Variants in CSMD1 observed in about 807,000 individuals in gnomAD.
CSMD1 encodes the protein CUB and sushi domain-containing protein 1.
A neutral mutation model predicts 417.5 loss-of-function variants in CSMD1; 213 were observed. The observed-to-expected ratio is 0.51, with a 90% CI of 0.46 to 0.57. CSMD1 has a LOEUF of 0.57. Among genes scored for constraint, CSMD1 ranks in the 20% least tolerant of loss-of-function variants. The pLI, the probability that CSMD1 is intolerant of heterozygous loss-of-function variation, is 0.00. For missense variants in CSMD1, 6,923 were observed against 4,529.7 expected (o/e 1.53, Z -15.17); for synonymous variants, 2,862 against 1,736.8 (o/e 1.65, Z -16.11).
At chr8:3,321,210 C>T (rs1331224645) in intron 23 of CSMD1, among the ~76,000 whole-genome samples, 3 of 152,084 alleles carry the variant, frequency 2.0e-5, no homozygotes, top group Admixed American at 2.0e-4. Context: ...CCTCACTGCA[C>T]ACAAGATTGC....
At chr8:2,991,465 A>G (rs1806380592) in intron 54 of CSMD1, among the ~76,000 whole-genome samples, 1 of 152,230 alleles carries the variant, frequency 6.6e-6, no homozygotes, top group Admixed American at 6.5e-5. Context: ...TCATTTTCTA[A>G]AAGGCCAGAT....
At chr8:3,874,888 A>G (rs372214732) in intron 5 of CSMD1, among the ~76,000 whole-genome samples, 1 of 152,262 alleles carries the variant, frequency 6.6e-6, no homozygotes, top group East Asian at 1.9e-4. Flanking sequence ...ATCCACTGCG[A>G]TGCTGCGCAC....
chr8:3,635,277 C>A (rs1419605557), intron 7 of CSMD1, among the ~76,000 whole-genome samples: 1 of 151,932 alleles, frequency 6.6e-6, no homozygotes, highest in Non-Finnish European at 1.5e-5. Context: ...TGTTCAAGAC[C>A]AGCCCGGCCA....
At chr8:3,655,359 T>C (rs1360498486) in intron 7 of CSMD1, among the ~76,000 whole-genome samples, 1 of 152,238 alleles carries the variant, frequency 6.6e-6, no homozygotes, top group African/African-American at 2.4e-5. Context: ...CTACAGCGAA[T>C]TTGGCAGTGA....
chr8:3,100,148 C>A (rs1411873690), intron 46 of CSMD1, among the ~76,000 whole-genome samples: 1 of 152,104 alleles, frequency 6.6e-6, no homozygotes, highest in Non-Finnish European at 1.5e-5. Context: ...ACCTCCCAGG[C>A]TCAAACAATC....
intron 1 of CSMD1, among the ~76,000 whole-genome samples, chr8:4,875,393 C>T (rs1008455264): frequency 3.3e-5 from 5 of 152,020 alleles, no homozygotes; most frequent in African/African-American, 1.2e-4. Context: ...GCCTTTATTT[C>T]TCCAGAATAA....
intron 1 of CSMD1, among the ~76,000 whole-genome samples, chr8:4,809,293 T>C (rs562795103): frequency 2.0e-5 from 3 of 152,328 alleles, no homozygotes; most frequent in East Asian, 1.9e-4. Flanking sequence ...AAATGTGTTA[T>C]ACATATTAAT....
chr8:4,378,863 GAGTC>G (rs1802919333), intron 3 of CSMD1, among the ~76,000 whole-genome samples: 1 of 152,178 alleles, frequency 6.6e-6, no homozygotes, highest in Admixed American at 6.6e-5. Flanking sequence ...ATGAAACAGA[GAGTC>G]AGCCCTTTCT....
In CSMD1 at chr8:3,223,872, C is replaced by A; in HGVS notation, c.4346-5G>T. ...TCAGATTCCCTCCACAAGCAGCTGTCACAGAACAAAAGTTACAGAGAAAAA... is the reference window on the plus strand; with the variant it reads ...TCAGATTCCCTCCACAAGCAGCTGTAACAGAACAAAAGTTACAGAGAAAAA... On this transcript the variant is annotated splice_polypyrimidine_tract_variant and splice_region_variant and intron_variant, in intron 27 of 69. Coordinates refer to ENST00000635120, the MANE Select transcript of CSMD1 (RefSeq NM_033225.6). The A allele has an allele frequency of 6.2e-7, 1 of 1,613,476 alleles. No individual in the cohort carries two copies. The highest frequency in any genetic ancestry group is 1.1e-5 in the South Asian group (1 of 91,048).
intron 31 of CSMD1, among the ~76,000 whole-genome samples, 172 bp from the exon 32 acceptor site, chr8:3,201,897 A>C (rs962834144): frequency 6.6e-6 from 1 of 152,102 alleles, no homozygotes; most frequent in Non-Finnish European, 1.5e-5. Flanking sequence ...CAGTTGACAA[A>C]ACTATTTTAC....
intron 18 of CSMD1, among the ~76,000 whole-genome samples, chr8:3,375,389 A>T (rs1050336430): frequency 6.6e-6 from 1 of 151,934 alleles, no homozygotes; most frequent in Non-Finnish European, 1.5e-5. Context: ...ATCTGTTTCC[A>T]TCTTTTCTCT....
At chr8:3,439,910 C>T (rs190585151) in intron 12 of CSMD1, among the ~76,000 whole-genome samples, 1 of 152,166 alleles carries the variant, frequency 6.6e-6, no homozygotes, top group Middle Eastern at 3.2e-3. Flanking sequence ...ACTGAAAAGA[C>T]TATTCTTCCT....
chr8:4,631,171 G>A (rs965187544), intron 2 of CSMD1, among the ~76,000 whole-genome samples: 1 of 152,058 alleles, frequency 6.6e-6, no homozygotes, highest in Non-Finnish European at 1.5e-5. Context: ...GACCAGCCTG[G>A]CCAATATGGT....
intron 23 of CSMD1, among the ~76,000 whole-genome samples, chr8:3,327,086 G>C (rs766185764): frequency 6.6e-6 from 1 of 151,356 alleles, no homozygotes; most frequent in Non-Finnish European, 1.5e-5. Context: ...ACAGAAACAC[G>C]TGCAGAGTCA....
At chr8:4,234,556 C>G (rs903840045) in intron 3 of CSMD1, among the ~76,000 whole-genome samples, 1 of 152,162 alleles carries the variant, frequency 6.6e-6, no homozygotes, top group Non-Finnish European at 1.5e-5. Context: ...TTTGGCCGTT[C>G]CTTTAGTACA....
intron 7 of CSMD1, among the ~76,000 whole-genome samples, chr8:3,626,698 T>C (rs903171720): frequency 6.6e-6 from 1 of 151,360 alleles, no homozygotes; most frequent in Non-Finnish European, 1.5e-5. Flanking sequence ...TAAATATGGA[T>C]GATATAAGTA....
At chr8:4,612,373 T>G (rs538863645) in intron 2 of CSMD1, among the ~76,000 whole-genome samples, 56 of 152,296 alleles carry the variant, frequency 3.7e-4, no homozygotes, top group Non-Finnish European at 7.1e-4. Context: ...GAGGAATGGT[T>G]TTCCAATCGT....
chr8:4,162,176 C>A (rs13250579), intron 3 of CSMD1, among the ~76,000 whole-genome samples: 47,208 of 151,914 alleles, frequency 0.31, 7,520 homozygotes, highest in South Asian at 0.42. Context: ...GCCTGCTTTG[C>A]GCAACTTTTC....
intron 12 of CSMD1, among the ~76,000 whole-genome samples, chr8:3,413,095 G>C (rs569905091): frequency 6.6e-6 from 1 of 152,232 alleles, no homozygotes; most frequent in South Asian, 2.1e-4. Context: ...CTACCTCAAA[G>C]GGTGGCCATG....
Sources: allele counts gnomAD v4.1 joint callset (sites outside exome capture counted in the v4.1 genomes callset), GRCh38; gene constraint gnomAD v4.1.1; transcripts MANE v1.5; gene names NCBI Gene and HGNC (gene_info 2026-07-23, HGNC 2026-07-21).